The following DOCK2 variants were observed in gnomAD, a reference collection of about 807,000 sequenced individuals.
DOCK2 encodes the protein dedicator of cytokinesis protein 2.
Under a neutral mutation model 248.9 loss-of-function variants are expected in DOCK2, and 87 were observed. The ratio of observed to expected loss-of-function variants is 0.35; its 90% CI spans 0.29 to 0.42. The LOEUF (loss-of-function observed/expected upper bound fraction) is 0.42. Among genes scored for constraint, DOCK2 ranks in the 10% least tolerant of loss-of-function variants. The probability of loss-of-function intolerance (pLI) is 1.00; values close to 1 mark genes in which losing one functional copy is unlikely to be tolerated. For missense variants in DOCK2, 1,747 were observed against 2,300.2 expected, an observed-to-expected ratio of 0.76 and a Z score of 4.92; for synonymous variants, 805 against 821.6, an observed-to-expected ratio of 0.98 and a Z score of 0.35.
At chr5:169,960,890 A>G (rs1777058589) in intron 27 of DOCK2, among the ~76,000 whole-genome samples, 1 of 152,228 alleles carries the variant, frequency 6.6e-6, no homozygotes, top group South Asian at 2.1e-4. Flanking sequence ...CTGTACAGGT[A>G]TGCATGCATA....
intron 46 of DOCK2, 30 bp from the exon 47 acceptor site, chr5:170,075,917 C>A: frequency 1.2e-6 from 2 of 1,612,860 alleles, no homozygotes; most frequent in South Asian, 2.2e-5. Flanking sequence ...CGGTCAGCCT[C>A]TGGCTCATTC....
intron 32 of DOCK2, among the ~76,000 whole-genome samples, chr5:170,018,650 A>G (rs1451816584): frequency 6.6e-6 from 1 of 152,160 alleles, no homozygotes; most frequent in Non-Finnish European, 1.5e-5. Context: ...AACATATTCA[A>G]TCATGGCCCT....
chr5:169,639,257 T>C (rs1757017115), intron 1 of DOCK2, among the ~76,000 whole-genome samples: 1 of 152,190 alleles, frequency 6.6e-6, no homozygotes, highest in Non-Finnish European at 1.5e-5. Flanking sequence ...ATAATCAACA[T>C]TGCCTGTTAA....
chr5:169,760,977 A>G lies in DOCK2; in HGVS notation c.2448-542A>G, dbSNP rs541580189. 6.6e-5 allele frequency among the ~76,000 whole-genome samples: 10 copies of G among 152,338 alleles called. No individual in the cohort carries two copies. The East Asian group carries it at 1.7e-3, about 26-fold the overall frequency. ...AGAGCTATCTCCCTTTTGATGTCCC[A>G]AACTGGTTCTAATCCACAATTTTTC... On this transcript the variant is annotated intron_variant, in intron 24 of 51. Transcript: ENST00000520908.
At chr5:170,057,706 G>T in intron 44 of DOCK2, 40 bp downstream of exon 44, 3 of 1,544,500 alleles carry the variant, frequency 1.9e-6, no homozygotes, top group Admixed American at 3.7e-5. Flanking sequence ...CCCTTCCTCC[G>T]ATGGGCAGGG....
At chr5:169,707,713 CT>C (rs1466152350) in intron 14 of DOCK2, among the ~76,000 whole-genome samples, 1 of 152,196 alleles carries the variant, frequency 6.6e-6, no homozygotes, top group African/African-American at 2.4e-5. Context: ...GTGCTCTCTC[CT>C]TTTGTCCAGC....
chr5:169,726,546 A>G (rs1263488624), intron 22 of DOCK2, among the ~76,000 whole-genome samples: 1 of 152,104 alleles, frequency 6.6e-6, no homozygotes, highest in Non-Finnish European at 1.5e-5. Flanking sequence ...TTTTTTTGCC[A>G]TTGCTTTTGG....
chr5:169,978,710 GAATT>G (rs1326507041), intron 27 of DOCK2, among the ~76,000 whole-genome samples: 4 of 152,092 alleles, frequency 2.6e-5, no homozygotes, highest in South Asian at 2.1e-4. Context: ...CCGAAGGGCT[GAATT>G]AATTAAGAGG....
intron 25 of DOCK2, among the ~76,000 whole-genome samples, chr5:169,788,347 A>AT (rs5873191): frequency 0.15 from 23,062 of 151,828 alleles, 2,826 homozygotes; most frequent in African/African-American, 0.34. Flanking sequence ...TCCTCCCTTT[A>AT]TTTTTTTTAT....
rs984532936 is a variant in DOCK2, at chr5:170,079,024, G to A, written c.5044G>A (p.Glu1682Lys). ...SPKTPRVEQE[E>K]PISPGSTLPE... ...CAAGACGCCGAGAGTGGAGCAGGAG[G>A]AACCGATCTCCCCGGGGAGCACCCT... Residue 1682 changes from glutamate (E) to lysine (K), a missense_variant, in exon 49 of 52, where the codon GAA becomes AAA. Around this residue, in one of 4 missense-constraint regions of DOCK2, gnomAD observed 513 missense variants for 586.1 expected, o/e 0.88. Transcript: ENST00000520908. 7.4e-6 allele frequency: 12 copies of A among 1,614,138 alleles called. No homozygotes were observed. The highest frequency in any genetic ancestry group is 1.0e-5 in the Non-Finnish European group (12 of 1,180,018).
chr5:169,697,728 A>G (rs936715538), intron 10 of DOCK2, among the ~76,000 whole-genome samples: 1 of 151,960 alleles, frequency 6.6e-6, no homozygotes, highest in African/African-American at 2.4e-5. Flanking sequence ...TGTTTGACGT[A>G]TTTTCTGTAA....
rs151191554 is a variant in DOCK2 at position 169,684,220 on chromosome 5, A to G, written c.631A>G (p.Met211Val). The G allele has an allele frequency of 6.4e-4, 1,032 of 1,614,126 alleles. 8 individuals are homozygous for G. The African/African-American group carries it at 0.01, about 16-fold the overall frequency. Residue 211 changes from methionine (M) to valine (V), a missense_variant, in exon 8 of 52, where the codon ATG becomes GTG. Met to Val is a conservative substitution (Grantham distance 21, BLOSUM62 1). Around this residue, in one of 4 missense-constraint regions of DOCK2, gnomAD observed 375 missense variants for 510.9 expected, o/e 0.73. Coordinates refer to ENST00000520908, the MANE Select transcript of DOCK2 (RefSeq NM_004946.3). ...GTCAAAAGACCAGCCAGATTATGCA[A>G]TGTATTCCCGGATCTCCTCATCCCC... Reference protein sequence around the residue: ...EMSKDQPDYAMYSRISSSPTH... With the variant: ...EMSKDQPDYAVYSRISSSPTH...
rs753681461 is a variant in DOCK2 at position 169,714,258 on chromosome 5, G to A, written c.1843+47G>A. On this transcript the variant is annotated intron_variant, in intron 18 of 51. Coordinates refer to ENST00000520908, the MANE Select transcript of DOCK2 (RefSeq NM_004946.3). ...GTGTCTGTGGGGAGTGTGTGTGTCCGTGTGTGTGTACATGTGTGTATGTGC... is the reference window on the plus strand; with the variant it reads ...GTGTCTGTGGGGAGTGTGTGTGTCCATGTGTGTGTACATGTGTGTATGTGC... The A allele has an allele frequency of 5.1e-5, 81 of 1,600,202 alleles. No individual in the cohort carries two copies. In the East Asian group the frequency reaches 1.2e-3, roughly 23 times the overall value.
intron 27 of DOCK2, chr5:169,881,261 C>T (rs1414460345): frequency 1.1e-6 from 1 of 875,436 alleles, no homozygotes; most frequent in Non-Finnish European, 1.8e-6. Flanking sequence ...AGTTAAATAC[C>T]TTGTTTTTGC....
chr5:169,831,645 A>T (rs1161722619), intron 26 of DOCK2, among the ~76,000 whole-genome samples: 1 of 152,232 alleles, frequency 6.6e-6, no homozygotes. Flanking sequence ...GAATTGTAGA[A>T]GTCTTTCTCC....
intron 27 of DOCK2, among the ~76,000 whole-genome samples, chr5:169,935,883 G>A (rs1193479007): frequency 6.6e-6 from 1 of 152,206 alleles, no homozygotes; most frequent in Non-Finnish European, 1.5e-5. Flanking sequence ...TTACTCCACA[G>A]AGCAGGAAGA....
intron 22 of DOCK2, among the ~76,000 whole-genome samples, chr5:169,740,403 G>A (rs771051311): frequency 2.6e-5 from 4 of 152,082 alleles, no homozygotes; most frequent in Non-Finnish European, 5.9e-5. Context: ...ATCTCCACAT[G>A]TTGAGTTTGT....
chr5:169,673,511 T>C (rs1004884301), intron 5 of DOCK2, among the ~76,000 whole-genome samples: 1 of 152,048 alleles, frequency 6.6e-6, no homozygotes, highest in Non-Finnish European at 1.5e-5. Flanking sequence ...GAAAACAAGA[T>C]AACATTATTT....
intron 23 of DOCK2, among the ~76,000 whole-genome samples, chr5:169,752,995 G>T (rs762400352): frequency 6.6e-6 from 1 of 152,118 alleles, no homozygotes; most frequent in East Asian, 1.9e-4. Flanking sequence ...AACCTGGGAG[G>T]TGGAGGTTGC....
Sources: allele counts gnomAD v4.1 joint callset (sites outside exome capture counted in the v4.1 genomes callset), GRCh38; gene constraint gnomAD v4.1.1; regional missense constraint gnomAD v4.1.1; transcripts MANE v1.5; gene names NCBI Gene and HGNC (gene_info 2026-07-23, HGNC 2026-07-21).